The following NCKAP5 variants were observed in gnomAD, a reference collection of about 807,000 sequenced individuals.
NCKAP5 encodes nck-associated protein 5.
In NCKAP5, 92 loss-of-function variants were observed where a neutral mutation model predicts 167.0. The observed-to-expected ratio is 0.55, with a 90% CI of 0.47 to 0.66. The LOEUF (loss-of-function observed/expected upper bound fraction) is 0.66, where lower values mean the gene tolerates loss of function less well. Ranked by LOEUF, NCKAP5 falls within the 30% of genes least tolerant of loss-of-function variation. The pLI is 0.00. For synonymous variants in NCKAP5, 891 were observed against 877.4 expected (o/e 1.02, Z -0.27); for missense variants, 2,378 against 2,315.0 (o/e 1.03, Z -0.56).
intron 11 of NCKAP5, among the ~76,000 whole-genome samples, chr2:132,814,254 A>T (rs1686100361): frequency 6.6e-6 from 1 of 152,194 alleles, no homozygotes; most frequent in Non-Finnish European, 1.5e-5. Flanking sequence ...TTATCCCCAA[A>T]GCAGTTTTTT....
chr2:133,174,864 C>T (rs147301316), intron 5 of NCKAP5, among the ~76,000 whole-genome samples: 66 of 152,256 alleles, frequency 4.3e-4, no homozygotes, highest in African/African-American at 1.6e-3. Context: ...TTCTACACCA[C>T]CGCAGATGCA....
chr2:133,047,005 T>C (rs1402866458), intron 6 of NCKAP5, among the ~76,000 whole-genome samples: 13 of 152,166 alleles, frequency 8.5e-5, no homozygotes, highest in African/African-American at 3.1e-4. Flanking sequence ...AAAAAATATT[T>C]CAGAGTGATT....
chr2:133,379,522 G>A (rs1380713133), intron 3 of NCKAP5, among the ~76,000 whole-genome samples: 1 of 152,084 alleles, frequency 6.6e-6, no homozygotes, highest in Non-Finnish European at 1.5e-5. Context: ...AAAATACCAA[G>A]TCTCATCTTT....
chr2:132,730,042 A>G (rs1050326373), intron 17 of NCKAP5, among the ~76,000 whole-genome samples: 3 of 152,210 alleles, frequency 2.0e-5, no homozygotes, highest in African/African-American at 2.4e-5. Flanking sequence ...ATGGACACAG[A>G]AAAGAGAAGC....
intron 6 of NCKAP5, among the ~76,000 whole-genome samples, chr2:133,052,557 A>G (rs753499753): frequency 3.9e-5 from 6 of 152,030 alleles, no homozygotes; most frequent in Non-Finnish European, 7.4e-5. Context: ...ATCTCTACTA[A>G]AAGTACAAAA....
intron 5 of NCKAP5, among the ~76,000 whole-genome samples, chr2:133,191,031 G>T (rs4954044): frequency 2.0e-5 from 3 of 151,788 alleles, no homozygotes; most frequent in Admixed American, 2.0e-4. Flanking sequence ...ATCTGACAAA[G>T]GGCTAATATA....
chr2:133,474,217 C>T (rs987460588), intron 3 of NCKAP5, among the ~76,000 whole-genome samples: 2 of 151,510 alleles, frequency 1.3e-5, no homozygotes, highest in African/African-American at 2.4e-5. Flanking sequence ...TACTATTCAG[C>T]CATAAAAAGA....
At chr2:132,689,500 T>C (rs1050378146) in intron 19 of NCKAP5, among the ~76,000 whole-genome samples, 4 of 152,228 alleles carry the variant, frequency 2.6e-5, no homozygotes, top group African/African-American at 4.8e-5. Flanking sequence ...AGATCCTTCA[T>C]GAAGTACTGT....
At chr2:133,447,046 A>G (rs1299819643) in intron 3 of NCKAP5, among the ~76,000 whole-genome samples, 2 of 152,196 alleles carry the variant, frequency 1.3e-5, no homozygotes, top group Non-Finnish European at 2.9e-5. Context: ...ACCATTGGTA[A>G]AGCTGAACTA....
rs754163573 is a variant in NCKAP5, at chr2:133,213,741, GCAACTTCTCGCTGTAGTCGGGCCACTGC to G, written c.154_181del (p.Ala52ProfsTer13). On this transcript the variant is annotated frameshift_variant, in exon 5 of 20. Coordinates refer to ENST00000409261, the MANE Select transcript of NCKAP5 (RefSeq NM_207363.3). LOFTEE classifies it high-confidence loss of function. ...CATGGCCCCCTCACTTGTTCTTTGG[GCAACTTCTCGCTGTAGTCGGGCCACTGC>G]CAACTTCTCCCTGAAGAAACAAAAA... 3.1e-6 allele frequency: 5 copies of G among 1,613,620 alleles called. No individual in the cohort carries two copies. Among genetic ancestry groups the G allele is most frequent in the Non-Finnish European group, 4.2e-6 (5 of 1,179,794 alleles).
intron 11 of NCKAP5, among the ~76,000 whole-genome samples, chr2:132,852,970 T>C (rs562986962): frequency 4.6e-5 from 7 of 152,344 alleles, no homozygotes; most frequent in African/African-American, 1.7e-4. Context: ...TATCTCTGTG[T>C]CCTCAGGAGC....
At chr2:132,751,519 G>A (rs1413731206) in intron 16 of NCKAP5, among the ~76,000 whole-genome samples, 1 of 152,130 alleles carries the variant, frequency 6.6e-6, no homozygotes, top group Non-Finnish European at 1.5e-5. Flanking sequence ...TATTCCAGAA[G>A]CCAAGTTTAT....
At chr2:133,387,040 T>C (rs543701116) in intron 3 of NCKAP5, among the ~76,000 whole-genome samples, 49 of 152,332 alleles carry the variant, frequency 3.2e-4, no homozygotes, top group African/African-American at 1.0e-3. Context: ...ATTTAGCCCA[T>C]TTACATTTAA....
chr2:133,118,754 A>C (rs1281286049), intron 6 of NCKAP5: 1 of 152,206 alleles, frequency 6.6e-6, no homozygotes, highest in African/African-American at 2.4e-5. Flanking sequence ...CCAACAGCAA[A>C]GGGAAAATTT....
At chr2:133,532,517 G>A (rs1211757972) in intron 2 of NCKAP5, among the ~76,000 whole-genome samples, 1 of 152,144 alleles carries the variant, frequency 6.6e-6, no homozygotes, top group Non-Finnish European at 1.5e-5. Flanking sequence ...GGTTATTTGG[G>A]TAGTTGGATC....
intron 4 of NCKAP5, among the ~76,000 whole-genome samples, chr2:133,259,676 C>T (rs113626604): frequency 1.6e-3 from 236 of 152,256 alleles, no homozygotes; most frequent in African/African-American, 5.2e-3. Flanking sequence ...GTGGTGTGCA[C>T]CAAGCCCTGA....
chr2:133,328,251 C>A (rs916969265), intron 3 of NCKAP5, among the ~76,000 whole-genome samples: 8 of 152,158 alleles, frequency 5.3e-5, no homozygotes, highest in Non-Finnish European at 7.3e-5. Context: ...CTCAGTCCCC[C>A]AAATTCGCTG....
At chr2:132,939,261 TA>T (rs1482483169) in intron 8 of NCKAP5, among the ~76,000 whole-genome samples, 2 of 152,214 alleles carry the variant, frequency 1.3e-5, no homozygotes, top group African/African-American at 4.8e-5. Context: ...CAGTACACTA[TA>T]ATTAGAAGCC....
chr2:133,393,729 G>A (rs1004773048), intron 3 of NCKAP5, among the ~76,000 whole-genome samples: 2 of 152,104 alleles, frequency 1.3e-5, no homozygotes, highest in Non-Finnish European at 2.9e-5. Context: ...AACTATCTTC[G>A]CCCTTCCTGC....
Sources: gnomAD v4.1 joint callset for allele counts (sites outside exome capture counted in the v4.1 genomes callset) on GRCh38, gnomAD v4.1.1 for gene constraint, MANE v1.5 for transcripts, NCBI Gene and HGNC (gene_info 2026-07-23, HGNC 2026-07-21) for gene names.